SLC35D2: variants seen among roughly 807,000 people sequenced by gnomAD.
SLC35D2 encodes solute carrier family 35 member D2, also known as nucleotide sugar transporter SLC35D2.
A neutral mutation model predicts 41.8 loss-of-function variants in SLC35D2; 43 were observed. The observed-to-expected ratio is 1.03, with a 90% CI of 0.81 to 1.33. The LOEUF (loss-of-function observed/expected upper bound fraction) is 1.33, where lower values mean the gene tolerates loss of function less well. Ranked by LOEUF, SLC35D2 falls within the 40% of genes most tolerant of loss-of-function variation. The probability of loss-of-function intolerance (pLI) is 0.00; values close to 1 mark genes in which losing one functional copy is unlikely to be tolerated. For synonymous variants in SLC35D2, 150 were observed against 163.9 expected (o/e 0.92, Z 0.65); for missense variants, 380 against 408.4 (o/e 0.93, Z 0.60).
downstream of SLC35D2, among the ~76,000 whole-genome samples, chr9:96,317,564 C>T (rs1160703623): frequency 3.3e-5 from 5 of 152,058 alleles, no homozygotes; most frequent in African/African-American, 1.2e-4. Flanking sequence ...CACGTGGAAG[C>T]AAGTGTAAAA....
downstream of SLC35D2, among the ~76,000 whole-genome samples, chr9:96,318,767 G>A (rs1254166427): frequency 1.3e-5 from 2 of 151,656 alleles, no homozygotes; most frequent in Non-Finnish European, 2.9e-5. Context: ...GACCATCCTG[G>A]GCAACATAGT....
At chr9:96,377,210 A>G (rs1647564222) in intron 1 of SLC35D2, among the ~76,000 whole-genome samples, 1 of 152,034 alleles carries the variant, frequency 6.6e-6, no homozygotes, top group South Asian at 2.1e-4. Context: ...ACCGCTGATC[A>G]TCCGAAACGG....
chr9:96,321,666 C>T (rs1587824569), intron 11 of SLC35D2, among the ~76,000 whole-genome samples: 1 of 152,126 alleles, frequency 6.6e-6, no homozygotes, highest in East Asian at 1.9e-4. Context: ...CTGGCTTAGT[C>T]CACACCCCCT....
intron 8 of SLC35D2, among the ~76,000 whole-genome samples, chr9:96,343,297 A>C (rs528051986): frequency 2.0e-5 from 3 of 152,334 alleles, no homozygotes; most frequent in African/African-American, 4.8e-5. Flanking sequence ...TTTCAGGGCA[A>C]ATGCTGAAAG....
At chr9:96,371,513 C>T (rs1357506813) in intron 1 of SLC35D2, among the ~76,000 whole-genome samples, 2 of 73,844 alleles carry the variant, frequency 2.7e-5, no homozygotes, top group Non-Finnish European at 6.1e-5. Context: ...AAAATTTAAA[C>T]ACTGGATCTA....
At chr9:96,381,677 G>A (rs530697864) in intron 1 of SLC35D2, among the ~76,000 whole-genome samples, 1 of 152,326 alleles carries the variant, frequency 6.6e-6, no homozygotes, top group African/African-American at 2.4e-5. Flanking sequence ...GCAGCTCCGT[G>A]AAGTTAAGGA....
At chr9:96,371,371 C>G (rs961208280) in intron 1 of SLC35D2, among the ~76,000 whole-genome samples, 6 of 146,880 alleles carry the variant, frequency 4.1e-5, no homozygotes, top group Admixed American at 1.4e-4. Context: ...GAGCCTGATA[C>G]AGGAGAATCA....
intron 1 of SLC35D2, among the ~76,000 whole-genome samples, chr9:96,377,708 G>T (rs1831015614): frequency 6.6e-6 from 1 of 152,228 alleles, no homozygotes; most frequent in Non-Finnish European, 1.5e-5. Context: ...GTTTGCTGGA[G>T]ACCAGAGTAG....
At chr9:96,372,205 G>T (rs895916701) in intron 1 of SLC35D2, among the ~76,000 whole-genome samples, 24 of 152,304 alleles carry the variant, frequency 1.6e-4, no homozygotes, top group African/African-American at 5.5e-4. Flanking sequence ...AAAGTCTTTA[G>T]ATCTAACTTT....
chr9:96,383,542 C>T lies in SLC35D2; in HGVS notation c.93G>A (p.Ala31=), dbSNP rs1186188465. 10 of 1,509,284 alleles carry T rather than the reference C, an allele frequency of 6.6e-6. No individual in the cohort carries two copies. Among genetic ancestry groups the T allele is most frequent in the Non-Finnish European group, 8.9e-6 (10 of 1,128,478 alleles). The allele number at this position is 1,509,284 out of a possible 1,614,324, so 93.5% of individuals were successfully genotyped here. A position where few individuals can be genotyped will look rare whatever the true frequency, so the allele number is the denominator to read the frequency against. Residue 31 remains alanine, a synonymous_variant, in exon 1 of 12, where the codon GCG becomes GCA. Transcript: ENST00000253270. ...LPSRVARLLS[A]LFYGTCSFLI... ...GGAAGGAGCAGGTCCCGTAGAAGAG[C>T]GCCGACAGCAGCCGGGCCACCCGCG...
intron 1 of SLC35D2, 28 bp from the exon 2 acceptor site, chr9:96,368,333 G>A: frequency 6.3e-7 from 1 of 1,587,484 alleles, no homozygotes; most frequent in Non-Finnish European, 8.6e-7. Context: ...CAACAAATCA[G>A]TTGAGCAAAT....
At chr9:96,336,873 G>A in intron 8 of SLC35D2, 89 bp from the exon 9 acceptor site, 8 of 750,100 alleles carry the variant, frequency 1.1e-5, no homozygotes, top group Middle Eastern at 3.9e-4. Context: ...TTTGATACAG[G>A]AACCATCTTC....
chr9:96,370,952 C>A (rs1830648746), intron 1 of SLC35D2, among the ~76,000 whole-genome samples: 2 of 152,062 alleles, frequency 1.3e-5, no homozygotes, highest in Admixed American at 1.3e-4. Flanking sequence ...TTAGAAACAC[C>A]CAGGAGCTAC....
intron 1 of SLC35D2, among the ~76,000 whole-genome samples, chr9:96,381,361 A>C (rs1831191191): frequency 6.6e-6 from 1 of 152,168 alleles, no homozygotes; most frequent in African/African-American, 2.4e-5. Context: ...TGGCCTCCCA[A>C]GGCCCCACAC....
At chr9:96,357,035 G>A (rs1830055316) in intron 4 of SLC35D2, among the ~76,000 whole-genome samples, 1 of 152,030 alleles carries the variant, frequency 6.6e-6, no homozygotes, top group Admixed American at 6.6e-5. Context: ...AAAATTAGCT[G>A]GGCGTGGTAG....
chr9:96,324,006 A>T, intron 10 of SLC35D2, 85 bp downstream of exon 10: 1 of 1,238,218 alleles, frequency 8.1e-7, no homozygotes, highest in Non-Finnish European at 1.2e-6. Context: ...ACCACCAACA[A>T]CAAAATCAAA....
At chr9:96,361,361 C>T (rs1830272348) in intron 3 of SLC35D2, among the ~76,000 whole-genome samples, 2 of 152,096 alleles carry the variant, frequency 1.3e-5, no homozygotes, top group Admixed American at 6.6e-5. Context: ...CATAGTGGTA[C>T]AGCCCTAGCC....
chr9:96,368,365 A>G (rs768026325), intron 1 of SLC35D2, 60 bp from the exon 2 acceptor site: 7 of 1,211,978 alleles, frequency 5.8e-6, no homozygotes, highest in African/African-American at 1.5e-5. Context: ...AAGATAGTAC[A>G]TAATAAATAA....
At chr9:96,374,273 G>C (rs1229028336) in intron 1 of SLC35D2, among the ~76,000 whole-genome samples, 1 of 151,974 alleles carries the variant, frequency 6.6e-6, no homozygotes, top group African/African-American at 2.4e-5. Context: ...GCTCACGCAC[G>C]GCCTGTAATC....
Sources: allele counts gnomAD v4.1 joint callset (sites outside exome capture counted in the v4.1 genomes callset), GRCh38; gene constraint gnomAD v4.1.1; transcripts MANE v1.5; gene names NCBI Gene and HGNC (gene_info 2026-07-23, HGNC 2026-07-21).